Variants in RPSA2 observed in about 807,000 individuals in gnomAD.
RPSA2 encodes ribosomal protein SA 2.
At chr19:23,846,312 C>G in the RPSA2 span, among the ~76,000 whole-genome samples, 7 of 60,898 alleles carry the variant, frequency 1.1e-4, no homozygotes, top group African/African-American at 2.2e-4. Flanking sequence ...GATTTATATT[C>G]AAGATTATAT....
chr19:23,821,996 C>T, the RPSA2 span, among the ~76,000 whole-genome samples: 3 of 152,162 alleles, frequency 2.0e-5, no homozygotes, highest in Non-Finnish European at 4.4e-5. Context: ...CTAGCTTTTG[C>T]AGCTTCTCTC....
the RPSA2 span, chr19:23,758,768 C>G: frequency 1.2e-6 from 2 of 1,614,216 alleles, no homozygotes; most frequent in Non-Finnish European, 8.5e-7. Context: ...TTCCGGGGGA[C>G]CTGGCGTCTT....
At chr19:23,835,107 T>C in the RPSA2 span, among the ~76,000 whole-genome samples, 2 of 152,118 alleles carry the variant, frequency 1.3e-5, no homozygotes, top group African/African-American at 4.8e-5. Context: ...TACAATTAAA[T>C]TGTTATTGAC....
At chr19:23,851,882 T>TTG in the RPSA2 span, among the ~76,000 whole-genome samples, 1 of 152,202 alleles carries the variant, frequency 6.6e-6, no homozygotes, top group African/African-American at 2.4e-5. Flanking sequence ...AAGTGAATTT[T>TTG]CCACAGTATG....
chr19:23,864,363 C>G, the RPSA2 span, among the ~76,000 whole-genome samples: 2 of 152,156 alleles, frequency 1.3e-5, no homozygotes, highest in Admixed American at 1.3e-4. Flanking sequence ...GAAATATATT[C>G]TACTTTCATT....
At chr19:23,758,883 G>A in the RPSA2 span, 1 of 1,292,486 alleles carries the variant, frequency 7.7e-7, no homozygotes, top group Non-Finnish European at 1.1e-6. Flanking sequence ...TCGGGCTGAA[G>A]GGAGAGACAA....
the RPSA2 span, among the ~76,000 whole-genome samples, chr19:23,797,597 C>G: frequency 6.6e-6 from 1 of 152,054 alleles, no homozygotes; most frequent in South Asian, 2.1e-4. Context: ...TCTATTAGGA[C>G]TATTTGGTCA....
chr19:23,840,995 A>G, the RPSA2 span, among the ~76,000 whole-genome samples: 2 of 149,194 alleles, frequency 1.3e-5, no homozygotes, highest in Admixed American at 6.7e-5. Flanking sequence ...AAGACAAAAC[A>G]TGGACATCGT....
At chr19:23,831,214 C>T in the RPSA2 span, among the ~76,000 whole-genome samples, 1 of 152,144 alleles carries the variant, frequency 6.6e-6, no homozygotes, top group Admixed American at 6.6e-5. Flanking sequence ...GAAAAGGTCC[C>T]TAAAAGTCAG....
At chr19:23,836,387 A>C in the RPSA2 span, among the ~76,000 whole-genome samples, 473 of 151,742 alleles carry the variant, frequency 3.1e-3, 3 homozygotes, top group African/African-American at 0.011. Flanking sequence ...ACACACACAC[A>C]CACCCCACAG....
chr19:23,762,179 G>A, the RPSA2 span, among the ~76,000 whole-genome samples: 8 of 149,910 alleles, frequency 5.3e-5, no homozygotes, highest in African/African-American at 1.7e-4. Flanking sequence ...GCCTCCCAAA[G>A]TGCCGGGATT....
chr19:23,780,602 C>T, the RPSA2 span, among the ~76,000 whole-genome samples: 2 of 151,604 alleles, frequency 1.3e-5, no homozygotes, highest in African/African-American at 4.9e-5. Flanking sequence ...GAGATCGTGC[C>T]ACTGCACTCC....
the RPSA2 span, among the ~76,000 whole-genome samples, chr19:23,868,495 A>G: frequency 6.8e-6 from 1 of 147,484 alleles, no homozygotes; most frequent in African/African-American, 2.5e-5. Context: ...AAACGTTACA[A>G]CGCATGTTGA....
At chr19:23,858,042 T>C in the RPSA2 span, among the ~76,000 whole-genome samples, 2 of 152,032 alleles carry the variant, frequency 1.3e-5, no homozygotes, top group Non-Finnish European at 2.9e-5. Flanking sequence ...CATAGAATCA[T>C]TTGGCTTTAC....
At chr19:23,863,212 C>T in the RPSA2 span, among the ~76,000 whole-genome samples, 1 of 152,154 alleles carries the variant, frequency 6.6e-6, no homozygotes, top group Admixed American at 6.6e-5. Context: ...AAATGCTTTT[C>T]ACCAAAGTTT....
At chr19:23,779,485 C>T in the RPSA2 span, among the ~76,000 whole-genome samples, 2 of 152,156 alleles carry the variant, frequency 1.3e-5, 1 homozygote, top group South Asian at 4.1e-4. Flanking sequence ...ATGGGTGATT[C>T]AGCTCTCTCA....
the RPSA2 span, among the ~76,000 whole-genome samples, chr19:23,866,890 C>A: frequency 6.6e-6 from 1 of 152,180 alleles, no homozygotes; most frequent in East Asian, 1.9e-4. Flanking sequence ...CAAAAGCTGC[C>A]TTAACTTGCA....
At chr19:23,853,225 T>C in the RPSA2 span, among the ~76,000 whole-genome samples, 1 of 152,238 alleles carries the variant, frequency 6.6e-6, no homozygotes, top group African/African-American at 2.4e-5. Context: ...AAACAGTCTT[T>C]AAGATCAATA....
the RPSA2 span, among the ~76,000 whole-genome samples, chr19:23,839,117 A>G: frequency 1.3e-5 from 2 of 152,064 alleles, no homozygotes; most frequent in African/African-American, 4.8e-5. Flanking sequence ...TGTATCCCAG[A>G]GGTTTTGATA....
Sources: gnomAD v4.1 joint callset for allele counts (sites outside exome capture counted in the v4.1 genomes callset) on GRCh38, gnomAD v4.1.1 for gene constraint, MANE v1.5 for transcripts, NCBI Gene and HGNC (gene_info 2026-07-23, HGNC 2026-07-21) for gene names.